The following PCNX1 variants were observed in gnomAD, a reference collection of about 807,000 sequenced individuals.
PCNX1 encodes the protein pecanex-like protein 1.
Under a neutral mutation model 242.2 loss-of-function variants are expected in PCNX1, and 78 were observed. The observed-to-expected ratio is 0.32, with a 90% CI of 0.27 to 0.39. The LOEUF (loss-of-function observed/expected upper bound fraction) is 0.39, where lower values mean the gene tolerates loss of function less well. PCNX1 is among the 10% of genes least tolerant of loss of function. The pLI is 1.00. For missense variants in PCNX1, 2,581 were observed against 2,856.5 expected (o/e 0.90, Z 2.20); for synonymous variants, 1,024 against 1,032.9 (o/e 0.99, Z 0.17).
intron 11 of PCNX1, among the ~76,000 whole-genome samples, chr14:71,017,063 C>G (rs956700788): frequency 6.6e-6 from 1 of 152,122 alleles, no homozygotes; most frequent in Non-Finnish European, 1.5e-5. Context: ...ACTACAGACT[C>G]TCCAGGTATT....
At chr14:70,993,572 T>C (rs2059236106) in intron 7 of PCNX1, among the ~76,000 whole-genome samples, 1 of 152,240 alleles carries the variant, frequency 6.6e-6, no homozygotes, top group Admixed American at 6.5e-5. Flanking sequence ...TAAAAACCTT[T>C]TTGTATATTG....
intron 2 of PCNX1, among the ~76,000 whole-genome samples, chr14:70,948,862 CAT>C (rs200658035): frequency 0.012 from 1,814 of 145,422 alleles, 34 homozygotes; most frequent in African/African-American, 0.042. Flanking sequence ...TATATATACA[CAT>C]ATGTATATAT....
intron 2 of PCNX1, among the ~76,000 whole-genome samples, chr14:70,959,625 A>G (rs2058131491): frequency 1.3e-5 from 2 of 150,484 alleles, no homozygotes; most frequent in African/African-American, 4.9e-5. Flanking sequence ...AATCCAGTCT[A>G]TCATTGTTGG....
rs141681693 is a variant in PCNX1 at position 71,035,513 on chromosome 14, T to G, written c.3775-552T>G. 3.1e-3 allele frequency among the ~76,000 whole-genome samples: 469 copies of G among 152,180 alleles called. 5 individuals carry two copies. The highest frequency in any genetic ancestry group is 0.011 in the African/African-American group (450 of 41,512). On this transcript the variant is annotated intron_variant, in intron 18 of 35. Transcript: ENST00000304743. ...TGGCTCACACCTGTAATCCCAGCAC[T>G]TTGGGAGGCCAAGATGGGCGTATAT...
intron 26 of PCNX1, among the ~76,000 whole-genome samples, chr14:71,061,697 G>A (rs962934076): frequency 7.2e-5 from 11 of 152,228 alleles, no homozygotes; most frequent in African/African-American, 2.4e-4. Context: ...AGACACTCAA[G>A]AGGTTCATCT....
intron 2 of PCNX1, among the ~76,000 whole-genome samples, chr14:70,959,558 C>G (rs2058127977): frequency 6.6e-6 from 1 of 151,898 alleles, no homozygotes; most frequent in South Asian, 2.1e-4. Flanking sequence ...AGGACAGGAA[C>G]TCATCATTTT....
rs537159980 is a variant in PCNX1, at chr14:71,036,895, C to T, written c.3867+738C>T. On this transcript the variant is annotated intron_variant, in intron 19 of 35. Transcript: ENST00000304743. ...ACCTTGGGCAGTATGGCCATTTTCA[C>T]GATATTTATTCTTCCTACCCATGAG... Among the ~76,000 whole-genome samples, 718 of 152,178 alleles carry T rather than the reference C, an allele frequency of 4.7e-3. 5 individuals carry two copies. The highest frequency in any genetic ancestry group is 6.5e-3 in the Non-Finnish European group (441 of 68,004).
chr14:71,085,967 G>A (rs1246066957), intron 28 of PCNX1: 2 of 154,848 alleles, frequency 1.3e-5, no homozygotes, highest in Non-Finnish European at 2.9e-5. Context: ...TAGGCTGCTT[G>A]ATTGTCCTAC....
chr14:71,033,346 T>C lies in PCNX1; in HGVS notation c.3559-83T>C, dbSNP rs1595314701. The C allele has an allele frequency of 1.0e-5, 7 of 678,064 alleles. No homozygotes were observed. The East Asian group carries it at 1.9e-4, about 19-fold the overall frequency. 42.0% of individuals were successfully genotyped at this position (678,064 alleles called of 1,614,324 possible). A position where few individuals can be genotyped will look rare whatever the true frequency, so the allele number is the denominator to read the frequency against. The stretch of plus-strand genomic sequence containing the variant: ...TTGTTGAATTTAAGTTCGTTGTCTT[T>C]TTCCAAAATACGTACATAAAAGGAT... On this transcript the variant is annotated intron_variant, in intron 16 of 35. Transcript: ENST00000304743.
intron 1 of PCNX1, among the ~76,000 whole-genome samples, chr14:70,913,276 G>A (rs1385670930): frequency 6.6e-6 from 1 of 152,172 alleles, no homozygotes; most frequent in African/African-American, 2.4e-5. Flanking sequence ...GTTAACTGAT[G>A]TAGAATAGTT....
Position 71,114,759 on chromosome 14 carries a change from AAC to A in PCNX1, c.*4827_*4828del, listed in dbSNP as rs1224955923. 6.6e-6 allele frequency: 1 copy of A among 152,522 alleles called. No homozygotes were observed. The highest frequency in any genetic ancestry group is 1.5e-5 in the Non-Finnish European group (1 of 68,020). 9.4% of individuals were successfully genotyped at this position (152,522 alleles called of 1,614,324 possible). On this transcript the variant is annotated 3_prime_UTR_variant, in exon 36 of 36. Transcript: ENST00000304743. ...AAGCTAGAAGGAACAAAGGTCATCTAACACTGTGATGGGGATGAATTCCTGAG... is the reference window on the plus strand; with the variant it reads ...AAGCTAGAAGGAACAAAGGTCATCTAACTGTGATGGGGATGAATTCCTGAG...
rs554972905 is a variant in PCNX1 at position 70,982,915 on chromosome 14, C to T, written c.2311+4267C>T. Among the ~76,000 whole-genome samples the T allele has an allele frequency of 4.6e-5, 7 of 152,322 alleles. No homozygotes were observed. In the East Asian group the frequency reaches 1.3e-3, roughly 29 times the overall value. Reference sequence around the variant, plus strand: ...ACTGTAAAACAGGAATAATAACCGTCTAGACCTGTCTCACAGTTAACTGTC... The same window carrying T: ...ACTGTAAAACAGGAATAATAACCGTTTAGACCTGTCTCACAGTTAACTGTC... On this transcript the variant is annotated intron_variant, in intron 6 of 35. Transcript: ENST00000304743.
At chr14:70,983,820 G>GT (rs989284095) in intron 6 of PCNX1, among the ~76,000 whole-genome samples, 7 of 151,436 alleles carry the variant, frequency 4.6e-5, no homozygotes, top group African/African-American at 1.7e-4. Context: ...AAAAGCATTT[G>GT]TTTTTTCATT....
At chr14:70,986,167 A>G (rs564030393) in intron 6 of PCNX1, among the ~76,000 whole-genome samples, 1 of 152,362 alleles carries the variant, frequency 6.6e-6, no homozygotes, top group East Asian at 1.9e-4. Flanking sequence ...AATCTTACAT[A>G]CTGTGACCAT....
Position 71,023,185 on chromosome 14 carries a change from C to G in PCNX1, c.3151-15C>G, listed in dbSNP as rs1228144565. ...GACTTCAGGAGTGTAATTTGTCTTT[C>G]TGTTTCATTTTTAGAGTGTTCAACC... On this transcript the variant is annotated splice_polypyrimidine_tract_variant and intron_variant, in intron 12 of 35. Coordinates refer to ENST00000304743, the MANE Select transcript of PCNX1 (RefSeq NM_014982.3). 1 of 1,602,312 alleles carries G rather than the reference C, an allele frequency of 6.2e-7. No homozygotes were observed. The highest frequency in any genetic ancestry group is 8.5e-7 in the Non-Finnish European group (1 of 1,169,908).
chr14:70,993,537 G>A (rs1360689534), intron 7 of PCNX1, among the ~76,000 whole-genome samples: 2 of 152,086 alleles, frequency 1.3e-5, no homozygotes, highest in Non-Finnish European at 2.9e-5. Context: ...TTCTGGTGTT[G>A]ATTTTTATGC....
intron 1 of PCNX1, among the ~76,000 whole-genome samples, chr14:70,941,948 T>A (rs1005491637): frequency 2.0e-5 from 3 of 152,196 alleles, no homozygotes; most frequent in Non-Finnish European, 4.4e-5. Flanking sequence ...GGATATAATC[T>A]CCTGGTGTGT....
intron 26 of PCNX1, among the ~76,000 whole-genome samples, chr14:71,064,514 C>T (rs117321746): frequency 1.3e-5 from 2 of 152,246 alleles, no homozygotes; most frequent in East Asian, 1.9e-4. Context: ...CAAAATACAG[C>T]TCTTGTGTTA....
intron 1 of PCNX1, among the ~76,000 whole-genome samples, chr14:70,926,033 T>C (rs1316689451): frequency 2.0e-5 from 3 of 152,206 alleles, no homozygotes; most frequent in Non-Finnish European, 4.4e-5. Context: ...AACTCAGAGC[T>C]GTCCTTCCCA....
Sources: allele counts gnomAD v4.1 joint callset (sites outside exome capture counted in the v4.1 genomes callset), GRCh38; gene constraint gnomAD v4.1.1; transcripts MANE v1.5; gene names NCBI Gene and HGNC (gene_info 2026-07-23, HGNC 2026-07-21).